LIPH: variants seen among roughly 807,000 people sequenced by gnomAD.
LIPH encodes lipase H, also known as lipase member H.
A neutral mutation model predicts 47.6 loss-of-function variants in LIPH; 32 were observed. The observed-to-expected ratio is 0.67, with a 90% CI of 0.51 to 0.90. The LOEUF is 0.90. Ranked by LOEUF, LIPH falls within the 40% of genes least tolerant of loss-of-function variation. The probability of loss-of-function intolerance (pLI) is 0.00; values close to 1 mark genes in which losing one functional copy is unlikely to be tolerated. For synonymous variants in LIPH, 190 were observed against 195.6 expected, an observed-to-expected ratio of 0.97 and a Z score of 0.24; for missense variants, 497 against 541.4, an observed-to-expected ratio of 0.92 and a Z score of 0.81.
chr3:185,539,437 T>G (rs1376199692), intron 1 of LIPH, among the ~76,000 whole-genome samples: 1 of 142,378 alleles, frequency 7.0e-6, no homozygotes, highest in Admixed American at 7.1e-5. Context: ...TGGCGTGATC[T>G]TGGATGACTG....
At chr3:185,520,738 C>T (rs1719876794) in intron 5 of LIPH, among the ~76,000 whole-genome samples, 1 of 152,086 alleles carries the variant, frequency 6.6e-6, no homozygotes, top group African/African-American at 2.4e-5. Flanking sequence ...CCATATCATC[C>T]CCGCTCCAGT....
At chr3:185,518,153 T>C (rs933762858) in intron 6 of LIPH, among the ~76,000 whole-genome samples, 1 of 152,212 alleles carries the variant, frequency 6.6e-6, no homozygotes, top group Non-Finnish European at 1.5e-5. Flanking sequence ...GACTGTACCC[T>C]GGGTAAGCTT....
intron 1 of LIPH, among the ~76,000 whole-genome samples, chr3:185,547,856 A>G (rs77937697): frequency 0.047 from 7,157 of 151,816 alleles, 278 homozygotes; most frequent in East Asian, 0.23. Flanking sequence ...AGAAAGAAAG[A>G]AAGTATTTAC....
Position 185,524,148 on chromosome 3 carries a change from T to C in LIPH, c.641A>G (p.Lys214Arg), listed in dbSNP as rs1305861973. Residue 214 changes from lysine (K) to arginine (R), a missense_variant, in exon 5 of 10, where the codon AAG (lysine) becomes AGG (arginine). Coordinates refer to ENST00000296252, the MANE Select transcript of LIPH (RefSeq NM_139248.3). ...IHSDTDALGY[K>R]EPLGNIDFYP... ...GAAGTCTATGTTTCCTAATGGCTCCTTGTAGCCCAGTGCTAAAAGAGAACA... is the reference window on the plus strand; with the variant it reads ...GAAGTCTATGTTTCCTAATGGCTCCCTGTAGCCCAGTGCTAAAAGAGAACA... The C allele has an allele frequency of 6.2e-7, 1 of 1,608,230 alleles. No individual in the cohort carries two copies. Among genetic ancestry groups the C allele is most frequent in the Admixed American group, 1.7e-5 (1 of 60,014 alleles).
intron 5 of LIPH, among the ~76,000 whole-genome samples, chr3:185,522,026 T>C (rs1011472318): frequency 6.6e-6 from 1 of 152,070 alleles, no homozygotes; most frequent in African/African-American, 2.4e-5. Context: ...AATAGAACCA[T>C]CAGAAACACT....
chr3:185,542,084 T>G (rs1380221917), intron 1 of LIPH, among the ~76,000 whole-genome samples: 1 of 151,996 alleles, frequency 6.6e-6, no homozygotes, highest in Admixed American at 6.6e-5. Flanking sequence ...ATGTGCAAAT[T>G]TATTCATCAC....
At chr3:185,548,272 G>A (rs1720941099) in intron 1 of LIPH, among the ~76,000 whole-genome samples, 1 of 151,932 alleles carries the variant, frequency 6.6e-6, no homozygotes, top group South Asian at 2.1e-4. Flanking sequence ...GGGCGTGGTG[G>A]TGGGCACCGG....
intron 1 of LIPH, among the ~76,000 whole-genome samples, chr3:185,539,392 GAC>G (rs962608862): frequency 7.0e-5 from 10 of 142,022 alleles, no homozygotes; most frequent in African/African-American, 2.6e-4. Context: ...TTTTTTTTGA[GAC>G]AGTTTCAGTC....
chr3:185,546,738 C>T (rs1338918984), intron 1 of LIPH: 4 of 291,928 alleles, frequency 1.4e-5, no homozygotes, highest in Admixed American at 5.1e-5. Flanking sequence ...ATCAAGGCTG[C>T]AGTGAGCTGT....
intron 3 of LIPH, among the ~76,000 whole-genome samples, chr3:185,530,091 T>G (rs1048108640): frequency 2.0e-5 from 3 of 152,090 alleles, no homozygotes; most frequent in Non-Finnish European, 4.4e-5. Flanking sequence ...GCTGAGAGGA[T>G]GGCTTGAGGC....
chr3:185,534,660 T>C, intron 2 of LIPH, 105 bp downstream of exon 2: 1 of 1,173,336 alleles, frequency 8.5e-7, no homozygotes. Flanking sequence ...TGCAAAATGT[T>C]GCAATATAGG....
At chr3:185,526,932 T>C (rs1720122482) in intron 4 of LIPH, among the ~76,000 whole-genome samples, 1 of 152,072 alleles carries the variant, frequency 6.6e-6, no homozygotes, top group South Asian at 2.1e-4. Context: ...TGTCCTTCAT[T>C]GAGCATGATG....
intron 6 of LIPH, 135 bp from the exon 7 acceptor site, chr3:185,517,297 T>C (rs1719757575): frequency 1.5e-6 from 1 of 658,786 alleles, no homozygotes; most frequent in South Asian, 1.7e-5. Flanking sequence ...CCATCCCCCA[T>C]GGTGAGGGCC....
At chr3:185,534,014 G>A (rs1362920646) in intron 2 of LIPH, among the ~76,000 whole-genome samples, 1 of 152,048 alleles carries the variant, frequency 6.6e-6, no homozygotes, top group East Asian at 1.9e-4. Flanking sequence ...ACCTGAGGTC[G>A]GGAGTTCGAG....
Position 185,524,150 on chromosome 3 carries a change from G to T in LIPH, c.639C>A (p.Tyr213Ter). Reference sequence around the variant, plus strand: ...AGTCTATGTTTCCTAATGGCTCCTTGTAGCCCAGTGCTAAAAGAGAACACA... The same window carrying T: ...AGTCTATGTTTCCTAATGGCTCCTTTTAGCCCAGTGCTAAAAGAGAACACA... The part of the protein sequence containing the change: ...VIHSDTDALG[Y>*]KEPLGNIDFY... The change falls in exon 5 of 10, where the codon TAC becomes TAA. Residue 213 changes from tyrosine to a stop codon, truncating the protein, a stop_gained. Coordinates refer to ENST00000296252, the MANE Select transcript of LIPH (RefSeq NM_139248.3). LOFTEE classifies it high-confidence loss of function. The T allele has an allele frequency of 6.2e-7, 1 of 1,607,128 alleles. No homozygotes were observed. The highest frequency in any genetic ancestry group is 8.5e-7 in the Non-Finnish European group (1 of 1,173,628).
intron 3 of LIPH, among the ~76,000 whole-genome samples, chr3:185,530,457 G>A (rs758787273): frequency 1.9e-4 from 29 of 151,832 alleles, no homozygotes; most frequent in Non-Finnish European, 3.8e-4. Context: ...CAGCCTGGGC[G>A]ACAGAGTGAG....
chr3:185,525,652 T>G (rs373978171), intron 4 of LIPH, among the ~76,000 whole-genome samples: 6 of 152,242 alleles, frequency 3.9e-5, no homozygotes, highest in African/African-American at 1.4e-4. Context: ...CTTAAGGAAC[T>G]AACATGACAT....
chr3:185,531,019 C>T (rs949024333), intron 3 of LIPH, among the ~76,000 whole-genome samples: 2 of 152,124 alleles, frequency 1.3e-5, no homozygotes, highest in Non-Finnish European at 2.9e-5. Flanking sequence ...TAAACTGAGA[C>T]TGTCACAGGC....
At chr3:185,529,555 G>A (rs1354471706) in intron 3 of LIPH, among the ~76,000 whole-genome samples, 1 of 150,318 alleles carries the variant, frequency 6.7e-6, no homozygotes, top group East Asian at 2.0e-4. Flanking sequence ...CGGGATTACA[G>A]GTGTGAGCCA....
Sources: allele counts gnomAD v4.1 joint callset (sites outside exome capture counted in the v4.1 genomes callset), GRCh38; gene constraint gnomAD v4.1.1; transcripts MANE v1.5; gene names NCBI Gene and HGNC (gene_info 2026-07-23, HGNC 2026-07-21).